The following DPT variants were observed in gnomAD, a reference collection of about 807,000 sequenced individuals.
DPT encodes the protein tyrosine-rich acidic matrix protein.
A neutral mutation model predicts 31.2 loss-of-function variants in DPT; 21 were observed. That is an observed-to-expected ratio of 0.67 (90% CI 0.48 to 0.97). The LOEUF is 0.97. Ranked by LOEUF, DPT falls within the 50% of genes least tolerant of loss-of-function variation. DPT has a pLI of 0.00. For missense variants in DPT, 262 were observed against 258.8 expected, an observed-to-expected ratio of 1.01 and a Z score of -0.08; for synonymous variants, 91 against 86.9, an observed-to-expected ratio of 1.05 and a Z score of -0.26.
chr1:168,696,676 C>T, intron 3 of DPT, 61 bp from the exon 4 acceptor site: 2 of 1,466,332 alleles, frequency 1.4e-6, no homozygotes, highest in Non-Finnish European at 1.9e-6. Context: ...GGAAGAATCG[C>T]TGCTGGGGAA....
intron 2 of DPT, among the ~76,000 whole-genome samples, chr1:168,708,559 C>T (rs1471085969): frequency 6.6e-6 from 1 of 152,208 alleles, no homozygotes; most frequent in Admixed American, 6.5e-5. Context: ...AGTATGGAAG[C>T]TGCTCTTCAT....
intron 2 of DPT, among the ~76,000 whole-genome samples, chr1:168,701,759 C>A (rs1174889528): frequency 1.3e-5 from 2 of 152,134 alleles, no homozygotes; most frequent in Admixed American, 6.5e-5. Flanking sequence ...TCATCCAGCA[C>A]CTAAAACACA....
intron 3 of DPT, 128 bp from the exon 4 acceptor site, chr1:168,696,743 T>A: frequency 1.3e-6 from 1 of 784,114 alleles, no homozygotes; most frequent in Non-Finnish European, 2.0e-6. Flanking sequence ...TAATCTCACT[T>A]TGCTCTTAGA....
chr1:168,696,456 A>C lies in DPT; in HGVS notation c.*93T>G. On this transcript the variant is annotated 3_prime_UTR_variant, in exon 4 of 4. Coordinates refer to ENST00000367817, the MANE Select transcript of DPT (RefSeq NM_001937.5). ...GGGAGAAGGAAAGAGAGCAGCAGAAACTTCTATAGGAGATCCAACTGATGT... is the reference window on the plus strand; with the variant it reads ...GGGAGAAGGAAAGAGAGCAGCAGAACCTTCTATAGGAGATCCAACTGATGT... The C allele has an allele frequency of 9.2e-7, 1 of 1,091,428 alleles. No individual in the cohort carries two copies. Among genetic ancestry groups the C allele is most frequent in the Non-Finnish European group, 1.3e-6 (1 of 758,914 alleles). 67.6% of individuals were successfully genotyped at this position (1,091,428 alleles called of 1,614,324 possible).
In DPT at chr1:168,724,316, A is replaced by T. The variant is rs115163991; in HGVS notation, c.305+4554T>A. 2.9e-3 allele frequency among the ~76,000 whole-genome samples: 449 copies of T among 152,364 alleles called. 3 individuals are homozygous for T. Among genetic ancestry groups the T allele is most frequent in the African/African-American group, 0.01 (427 of 41,580 alleles). On this transcript the variant is annotated intron_variant, in intron 1 of 3. Coordinates refer to ENST00000367817, the MANE Select transcript of DPT (RefSeq NM_001937.5). ...CTACTATAGACACTGGAATATTGGG[A>T]ATCAAAGACATAAGCAAAATGGTTC... is the stretch of plus-strand genomic sequence containing the variant.
At chr1:168,727,145 C>A (rs1650264667) in intron 1 of DPT, among the ~76,000 whole-genome samples, 1 of 152,246 alleles carries the variant, frequency 6.6e-6, no homozygotes, top group Non-Finnish European at 1.5e-5. Context: ...ACAGAGTCAG[C>A]TGTCGGGTGG....
At chr1:168,698,045 C>T (rs1257708545) in intron 3 of DPT, among the ~76,000 whole-genome samples, 1 of 152,342 alleles carries the variant, frequency 6.6e-6, no homozygotes, top group Non-Finnish European at 1.5e-5. Context: ...AATTATCTAT[C>T]TCCCTTTTCA....
chr1:168,708,404 T>C (rs772604509), intron 2 of DPT, among the ~76,000 whole-genome samples: 11 of 152,282 alleles, frequency 7.2e-5, no homozygotes, highest in Middle Eastern at 3.4e-3. Flanking sequence ...ATGTACATCA[T>C]GCAATGGAAG....
At chr1:168,705,016 G>C (rs1391858613) in intron 2 of DPT, among the ~76,000 whole-genome samples, 1 of 152,096 alleles carries the variant, frequency 6.6e-6, no homozygotes, top group Non-Finnish European at 1.5e-5. Context: ...CCAGGTATAC[G>C]CTCTCACATC....
chr1:168,699,118 T>C (rs1003266210), intron 3 of DPT, among the ~76,000 whole-genome samples: 2 of 152,216 alleles, frequency 1.3e-5, no homozygotes, highest in African/African-American at 4.8e-5. Flanking sequence ...ATATATTTAT[T>C]TCATACTAAT....
At chr1:168,718,565 C>T (rs144814813) in intron 1 of DPT, among the ~76,000 whole-genome samples, 27 of 152,254 alleles carry the variant, frequency 1.8e-4, no homozygotes, top group Admixed American at 4.6e-4. Flanking sequence ...CTTCCAGAGC[C>T]GGATCTTTGT....
chr1:168,715,508 C>A (rs1649962542), intron 1 of DPT, among the ~76,000 whole-genome samples: 1 of 152,040 alleles, frequency 6.6e-6, no homozygotes, highest in South Asian at 2.1e-4. Context: ...AATTTTACAT[C>A]TAGAATTTTA....
rs147509376 is a variant in DPT, at chr1:168,714,338, G to T, written c.314C>A (p.Thr105Lys). The T allele has an allele frequency of 6.8e-6, 11 of 1,613,942 alleles. No homozygotes were observed. In the South Asian group the frequency reaches 1.2e-4, roughly 18 times the overall value. The change falls in exon 2 of 4, where the codon ACG (threonine) becomes AAG (lysine). Residue 105 changes from threonine to lysine, a missense_variant. Coordinates refer to ENST00000367817, the MANE Select transcript of DPT (RefSeq NM_001937.5). Reference sequence around the variant, plus strand: ...TGCCACCAGCCCATTGTTGGAGCACGTCTGGTACCTGAAGAGAAGACAACC... The same window carrying T: ...TGCCACCAGCCCATTGTTGGAGCACTTCTGGTACCTGAAGAGAAGACAACC... ...INRAGMEWYQ[T>K]CSNNGLVAGF...
chr1:168,724,033 C>T (rs537928433), intron 1 of DPT, among the ~76,000 whole-genome samples: 1 of 152,224 alleles, frequency 6.6e-6, no homozygotes, highest in Non-Finnish European at 1.5e-5. Context: ...AAATGTCAAA[C>T]CAGGATAGGT....
chr1:168,714,192 A>T, intron 2 of DPT, 29 bp downstream of exon 2: 1 of 1,613,916 alleles, frequency 6.2e-7, no homozygotes, highest in Non-Finnish European at 8.5e-7. Flanking sequence ...CCCAGGAGTC[A>T]TGAGGGTTTG....
At chr1:168,696,863 T>C (rs1026556658) in intron 3 of DPT, among the ~76,000 whole-genome samples, 1 of 152,206 alleles carries the variant, frequency 6.6e-6, no homozygotes, top group Non-Finnish European at 1.5e-5. Flanking sequence ...TCATCACTGG[T>C]GGTCAGCTCA....
At chr1:168,728,775 G>C (rs1572635397) in intron 1 of DPT, 95 bp downstream of exon 1, 9 of 1,476,866 alleles carry the variant, frequency 6.1e-6, no homozygotes, top group Non-Finnish European at 7.4e-6. Flanking sequence ...CCCAGGCTTT[G>C]GTTACTGATA....
chr1:168,724,707 C>T (rs1650198301), intron 1 of DPT, among the ~76,000 whole-genome samples: 1 of 152,076 alleles, frequency 6.6e-6, no homozygotes, highest in Non-Finnish European at 1.5e-5. Context: ...TGACTCAGGA[C>T]GACTGCCCTG....
At chr1:168,722,399 C>A (rs1437456454) in intron 1 of DPT, among the ~76,000 whole-genome samples, 1 of 152,028 alleles carries the variant, frequency 6.6e-6, no homozygotes, top group East Asian at 1.9e-4. Flanking sequence ...TGTAATTTAC[C>A]AACTGTGTGA....
Sources: gnomAD v4.1 joint callset for allele counts (sites outside exome capture counted in the v4.1 genomes callset) on GRCh38, gnomAD v4.1.1 for gene constraint, MANE v1.5 for transcripts, NCBI Gene and HGNC (gene_info 2026-07-23, HGNC 2026-07-21) for gene names.